NBAS: variants seen among roughly 807,000 people sequenced by gnomAD.
NBAS encodes NAG/BC035112 fusion.
Under a neutral mutation model 302.5 loss-of-function variants are expected in NBAS, and 219 were observed. The ratio of observed to expected loss-of-function variants is 0.72; its 90% CI spans 0.65 to 0.81. NBAS has a LOEUF of 0.81. Ranked by LOEUF, NBAS falls within the 30% of genes least tolerant of loss-of-function variation. The probability of loss-of-function intolerance (pLI) is 0.00; values close to 1 mark genes in which losing one functional copy is unlikely to be tolerated. For missense variants in NBAS, 2,932 were observed against 2,841.6 expected, an observed-to-expected ratio of 1.03 and a Z score of -0.72; for synonymous variants, 1,118 against 1,021.6, an observed-to-expected ratio of 1.09 and a Z score of -1.80.
chr2:14,962,542 A>C, the NBAS span, among the ~76,000 whole-genome samples: 59,387 of 151,916 alleles, frequency 0.39, 13,957 homozygotes, highest in East Asian at 0.62. Flanking sequence ...GGAGGGATAG[A>C]TTCTTTTGTT....
chr2:15,154,720 TGCAC>T, the NBAS span, among the ~76,000 whole-genome samples: 2 of 152,170 alleles, frequency 1.3e-5, no homozygotes, highest in Non-Finnish European at 1.5e-5. Context: ...AAGCTGACCC[TGCAC>T]TGATTACTGT....
the NBAS span, among the ~76,000 whole-genome samples, chr2:14,994,719 C>T: frequency 6.6e-6 from 1 of 152,218 alleles, no homozygotes; most frequent in Non-Finnish European, 1.5e-5. Context: ...TTTTCCCAAC[C>T]TTAACCCGTT....
At chr2:15,182,206 C>T (rs867132553) in intron 50 of NBAS, among the ~76,000 whole-genome samples, 13 of 152,224 alleles carry the variant, frequency 8.5e-5, no homozygotes, top group African/African-American at 2.7e-4. Flanking sequence ...GGGCACTAGC[C>T]GTGCCTCTTG....
At chr2:15,518,031 C>T (rs1255943107) in intron 9 of NBAS, among the ~76,000 whole-genome samples, 1 of 151,854 alleles carries the variant, frequency 6.6e-6, no homozygotes, top group African/African-American at 2.4e-5. Context: ...CTGTACTTCT[C>T]CTTCTCTCTC....
chr2:15,508,460 C>T (rs1333911348), intron 10 of NBAS, among the ~76,000 whole-genome samples: 1 of 152,210 alleles, frequency 6.6e-6, no homozygotes, highest in Admixed American at 6.5e-5. Context: ...GGGACTTTCA[C>T]CACTTACCCA....
At chr2:15,440,529 CA>C (rs1275068929) in intron 21 of NBAS, among the ~76,000 whole-genome samples, 1 of 152,036 alleles carries the variant, frequency 6.6e-6, no homozygotes, top group South Asian at 2.1e-4. Context: ...CATCAAAGGC[CA>C]AAAGTAGATA....
At chr2:14,942,906 A>G in the NBAS span, among the ~76,000 whole-genome samples, 20 of 152,350 alleles carry the variant, frequency 1.3e-4, no homozygotes, top group South Asian at 3.7e-3. Context: ...AATAAAAGGC[A>G]AGACCTGGTT....
At chr2:15,405,121 A>C (rs1343384670) in intron 25 of NBAS, among the ~76,000 whole-genome samples, 1 of 152,010 alleles carries the variant, frequency 6.6e-6, no homozygotes, top group Non-Finnish European at 1.5e-5. Context: ...CATGTCTAAA[A>C]CCTACCCAAT....
intron 44 of NBAS, among the ~76,000 whole-genome samples, chr2:15,259,727 C>G (rs1668764474): frequency 6.6e-6 from 1 of 152,190 alleles, no homozygotes; most frequent in South Asian, 2.1e-4. Flanking sequence ...CAGTTTGTTT[C>G]TTCTCCAGAT....
chr2:15,556,225 C>G (rs779526896), intron 3 of NBAS, among the ~76,000 whole-genome samples: 1 of 152,106 alleles, frequency 6.6e-6, no homozygotes, highest in Non-Finnish European at 1.5e-5. Context: ...AACGAAGAAG[C>G]AATCTATGTA....
chr2:14,807,811 G>A, the NBAS span, among the ~76,000 whole-genome samples: 2 of 152,144 alleles, frequency 1.3e-5, no homozygotes, highest in Non-Finnish European at 2.9e-5. Context: ...AATTAAGATA[G>A]TAACAAACGC....
rs199525395 is a variant in NBAS, at chr2:15,530,310, T to TTC, written c.746+4231_746+4232dup. 7.7e-3 allele frequency among the ~76,000 whole-genome samples: 1,171 copies of TTC among 152,224 alleles called. 19 individuals are homozygous for TTC. The highest frequency in any genetic ancestry group is 0.057 in the East Asian group (295 of 5,188). Reference sequence around the variant, plus strand: ...TACTCATTTCAACTCCCTTTTCTCTTTCCTTAAGAAAGATTTTTAAAAGAA... The same window carrying TTC: ...TACTCATTTCAACTCCCTTTTCTCTTTCTCCTTAAGAAAGATTTTTAAAAGAA... On this transcript the variant is annotated intron_variant, in intron 9 of 51. Coordinates refer to ENST00000281513, the MANE Select transcript of NBAS (RefSeq NM_015909.4).
At chr2:14,977,805 C>T in the NBAS span, among the ~76,000 whole-genome samples, 1 of 152,122 alleles carries the variant, frequency 6.6e-6, no homozygotes, top group East Asian at 1.9e-4. Flanking sequence ...TTAAATGATG[C>T]TCTCCTCTCA....
the NBAS span, among the ~76,000 whole-genome samples, chr2:14,872,609 T>C: frequency 8.5e-5 from 13 of 152,218 alleles, no homozygotes; most frequent in African/African-American, 1.9e-4. Flanking sequence ...GGAGTGAAGC[T>C]GCAGACCTTT....
intron 29 of NBAS, 45 bp from the exon 30 acceptor site, chr2:15,379,876 T>C (rs766450174): frequency 6.5e-7 from 1 of 1,545,586 alleles, no homozygotes; most frequent in Non-Finnish European, 8.9e-7. Context: ...GAGGGAAGAT[T>C]CAGTTCTCAG....
the NBAS span, among the ~76,000 whole-genome samples, chr2:14,787,526 T>C: frequency 6.6e-6 from 1 of 152,054 alleles, no homozygotes; most frequent in Non-Finnish European, 1.5e-5. Context: ...GATGGTGACA[T>C]AATCTCTCAG....
chr2:15,396,494 A>T lies in NBAS; in HGVS notation c.3072-19T>A. 7.6e-7 allele frequency: 1 copy of T among 1,314,132 alleles called. No homozygotes were observed. The highest frequency in any genetic ancestry group is 1.0e-6 in the Non-Finnish European group (1 of 974,302). The allele number at this position is 1,314,132 out of a possible 1,614,324, so 81.4% of individuals were successfully genotyped here. ...CTTATCACTAATAAATTAAAAGAAGAAAAAAAAAAGCCCTTAAGTTTAGTA... is the reference window on the plus strand; with the variant it reads ...CTTATCACTAATAAATTAAAAGAAGTAAAAAAAAAGCCCTTAAGTTTAGTA... On this transcript the variant is annotated intron_variant, in intron 26 of 51. Coordinates refer to ENST00000281513, the MANE Select transcript of NBAS (RefSeq NM_015909.4).
the NBAS span, among the ~76,000 whole-genome samples, chr2:14,961,448 C>G: frequency 6.6e-6 from 1 of 151,902 alleles, no homozygotes; most frequent in Non-Finnish European, 1.5e-5. Flanking sequence ...AAAGCTGGGC[C>G]CCCTCTCTGC....
chr2:14,940,037 C>G, the NBAS span, among the ~76,000 whole-genome samples: 1 of 152,162 alleles, frequency 6.6e-6, no homozygotes, highest in Non-Finnish European at 1.5e-5. Flanking sequence ...TTACACACCC[C>G]TAATACACAC....
Sources: allele counts gnomAD v4.1 joint callset (sites outside exome capture counted in the v4.1 genomes callset), GRCh38; gene constraint gnomAD v4.1.1; transcripts MANE v1.5; gene names NCBI Gene and HGNC (gene_info 2026-07-23, HGNC 2026-07-21).